Variants in KMT2C observed in about 807,000 individuals in gnomAD.
KMT2C encodes lysine methyltransferase 2C.
In KMT2C, 88 loss-of-function variants were observed where a neutral mutation model predicts 507.9. That is an observed-to-expected ratio of 0.17 (90% CI 0.15 to 0.21). KMT2C has a LOEUF of 0.21. Among genes scored for constraint, KMT2C ranks in the 10% least tolerant of loss-of-function variants. The pLI is 1.00. For missense variants in KMT2C, 4,954 were observed against 5,957.8 expected (o/e 0.83, Z 5.55); for synonymous variants, 2,049 against 2,080.8 (o/e 0.98, Z 0.42).
chr7:152,145,123 G>T (rs749495813), intron 54 of KMT2C, 30 bp downstream of exon 54: 2 of 1,609,992 alleles, frequency 1.2e-6, no homozygotes, highest in Admixed American at 1.7e-5. Flanking sequence ...GAAACCCTGG[G>T]CTGTACTATG....
intron 6 of KMT2C, among the ~76,000 whole-genome samples, chr7:152,297,651 G>A (rs541578297): frequency 1.1e-4 from 16 of 152,242 alleles, no homozygotes; most frequent in African/African-American, 3.9e-4. Context: ...CTTCATATCT[G>A]TCTAATAAAT....
intron 2 of KMT2C, among the ~76,000 whole-genome samples, chr7:152,342,228 C>A (rs1190930284): frequency 6.6e-6 from 1 of 152,140 alleles, no homozygotes; most frequent in African/African-American, 2.4e-5. Flanking sequence ...TGATACATAA[C>A]TCAAGGCAGT....
chr7:152,142,925 C>T (rs376208754), intron 55 of KMT2C, among the ~76,000 whole-genome samples: 1 of 152,144 alleles, frequency 6.6e-6, no homozygotes, highest in Non-Finnish European at 1.5e-5. Flanking sequence ...AGATCATCCA[C>T]GGGATCCCCA....
At chr7:152,286,127 A>C (rs1478689827) in intron 6 of KMT2C, among the ~76,000 whole-genome samples, 1 of 152,282 alleles carries the variant, frequency 6.6e-6, no homozygotes, top group African/African-American at 2.4e-5. Context: ...AGGAACTAAA[A>C]GTAAAAACAC....
intron 1 of KMT2C, among the ~76,000 whole-genome samples, chr7:152,377,730 G>T (rs200135349): frequency 2.0e-3 from 246 of 123,226 alleles, no homozygotes; most frequent in African/African-American, 9.4e-3. Context: ...GCGAGACTCC[G>T]TCTCAAAAAA....
intron 8 of KMT2C, among the ~76,000 whole-genome samples, chr7:152,264,632 C>T (rs1015721536): frequency 6.6e-5 from 10 of 152,110 alleles, no homozygotes; most frequent in South Asian, 2.1e-4. Context: ...TGTAGTTAGA[C>T]GTTTAAATCC....
intron 23 of KMT2C, among the ~76,000 whole-genome samples, chr7:152,212,571 A>C (rs1334675620): frequency 6.6e-6 from 1 of 152,254 alleles, no homozygotes; most frequent in Non-Finnish European, 1.5e-5. Context: ...GCAGGATACA[A>C]AATCAATATA....
chr7:152,374,391 G>A (rs1419612709), intron 1 of KMT2C, among the ~76,000 whole-genome samples: 1 of 151,762 alleles, frequency 6.6e-6, no homozygotes, highest in African/African-American at 2.4e-5. Context: ...TTTAAAATGA[G>A]TGAATGAGAA....
intron 1 of KMT2C, chr7:152,368,219 TA>T: frequency 1.1e-6 from 1 of 897,294 alleles, no homozygotes; most frequent in Non-Finnish European, 1.9e-6. Context: ...AATATGCTGA[TA>T]AAAACACACA....
intron 7 of KMT2C, among the ~76,000 whole-genome samples, chr7:152,273,236 A>G (rs2096010548): frequency 1.3e-5 from 2 of 152,228 alleles, no homozygotes; most frequent in African/African-American, 4.8e-5. Context: ...AGAGATTTCT[A>G]TTATACCTAT....
At chr7:152,399,865 A>G (rs1215619813) in intron 1 of KMT2C, among the ~76,000 whole-genome samples, 5 of 152,234 alleles carry the variant, frequency 3.3e-5, no homozygotes, top group Non-Finnish European at 1.5e-5. Context: ...ATAACTTCCA[A>G]TATAAAATTA....
At chr7:152,330,778 T>C in intron 2 of KMT2C, 39 bp from the exon 3 acceptor site, 1 of 1,594,080 alleles carries the variant, frequency 6.3e-7, no homozygotes, top group Non-Finnish European at 8.6e-7. Flanking sequence ...AGAGTCATTT[T>C]TGTGTTTATT....
At chr7:152,201,042 G>A (rs1363869852) in intron 26 of KMT2C, among the ~76,000 whole-genome samples, 2 of 152,134 alleles carry the variant, frequency 1.3e-5, no homozygotes, top group Non-Finnish European at 2.9e-5. Context: ...AAGCGTTTTA[G>A]AAGTTTAGAG....
At chr7:152,256,535 G>A (rs2095665033) in intron 9 of KMT2C, among the ~76,000 whole-genome samples, 1 of 151,982 alleles carries the variant, frequency 6.6e-6, no homozygotes, top group Admixed American at 6.6e-5. Context: ...CTATGGCCGG[G>A]GTGATGGAGT....
intron 26 of KMT2C, among the ~76,000 whole-genome samples, chr7:152,200,499 T>A (rs190795937): frequency 1.4e-4 from 21 of 152,098 alleles, no homozygotes; most frequent in Non-Finnish European, 2.9e-5. Flanking sequence ...GAGGCCGAGG[T>A]AGGTGGTTCA....
At chr7:152,185,695 G>A in intron 33 of KMT2C, 64 bp from the exon 34 acceptor site, 1 of 1,137,064 alleles carries the variant, frequency 8.8e-7, no homozygotes, top group Non-Finnish European at 1.3e-6. Context: ...TTGTAATAAA[G>A]AATGTTGATG....
At chr7:152,397,853 G>T (rs567033027) in intron 1 of KMT2C, among the ~76,000 whole-genome samples, 1 of 152,182 alleles carries the variant, frequency 6.6e-6, no homozygotes, top group Admixed American at 6.5e-5. Flanking sequence ...GTGAGTGTGA[G>T]GCCTCCCCAA....
chr7:152,169,381 G>GT (rs1324710934), intron 40 of KMT2C, 132 bp from the exon 41 acceptor site: 52 of 622,360 alleles, frequency 8.4e-5, no homozygotes, highest in African/African-American at 5.4e-4. Flanking sequence ...TCTTTTAAAG[G>GT]TTTTTTTATA....
rs1405071650 is a variant in KMT2C at position 152,331,650 on chromosome 7, T to TG, written c.251-912_251-911insC. On this transcript the variant is annotated intron_variant, in intron 2 of 58. Transcript: ENST00000262189. ...ACAACAACAACAAAAAGATTTTTTT[T>TG]TTTTTTTTTTTTTTTTTGATGGAGT... Among the ~76,000 whole-genome samples, 19 of 143,826 alleles carry TG rather than the reference T, an allele frequency of 1.3e-4. No individual in the cohort carries two copies. The East Asian group carries it at 3.4e-3, about 26-fold the overall frequency. The allele number at this position is 143,826 out of a possible 152,430, so 94.4% of individuals were successfully genotyped here. A position where few individuals can be genotyped will look rare whatever the true frequency, so the allele number is the denominator to read the frequency against.
Sources: allele counts gnomAD v4.1 joint callset (sites outside exome capture counted in the v4.1 genomes callset), GRCh38; gene constraint gnomAD v4.1.1; transcripts MANE v1.5; gene names NCBI Gene and HGNC (gene_info 2026-07-23, HGNC 2026-07-21).